The following PRKN variants were observed in gnomAD, a reference collection of about 807,000 sequenced individuals.
The protein encoded by PRKN is parkin RBR E3 ubiquitin protein ligase.
Under a neutral mutation model 59.5 loss-of-function variants are expected in PRKN, and 56 were observed. The observed-to-expected ratio is 0.94, with a 90% CI of 0.76 to 1.18. The LOEUF is 1.18. Among genes scored for constraint, PRKN ranks in the 50% most tolerant of loss-of-function variants. The pLI is 0.00. For synonymous variants in PRKN, 250 were observed against 222.1 expected (o/e 1.13, Z -1.12); for missense variants, 657 against 596.4 (o/e 1.10, Z -1.06).
At chr6:162,079,152 C>G (rs1893552) in intron 4 of PRKN, among the ~76,000 whole-genome samples, 7 of 151,938 alleles carry the variant, frequency 4.6e-5, no homozygotes, top group Non-Finnish European at 2.9e-5. Context: ...GCTCCACAGC[C>G]CCTGACAGCA....
At chr6:162,709,657 G>A (rs766463635) in intron 1 of PRKN, among the ~76,000 whole-genome samples, 3 of 152,044 alleles carry the variant, frequency 2.0e-5, no homozygotes, top group Non-Finnish European at 4.4e-5. Flanking sequence ...TTTCTGACCC[G>A]GAAGTCTCAT....
At chr6:161,762,023 C>T (rs1464623784) in intron 7 of PRKN, among the ~76,000 whole-genome samples, 3 of 152,134 alleles carry the variant, frequency 2.0e-5, no homozygotes, top group Non-Finnish European at 4.4e-5. Context: ...GCAGGCAGTT[C>T]AGGCATTCTC....
chr6:161,874,648 T>C (rs1794593857), intron 6 of PRKN, among the ~76,000 whole-genome samples: 1 of 8,036 alleles, frequency 1.2e-4, no homozygotes, highest in South Asian at 3.8e-3. Context: ...ATATTACATA[T>C]AAAATGTATA....
chr6:161,741,634 C>G (rs1178050332), intron 7 of PRKN, among the ~76,000 whole-genome samples: 2 of 152,082 alleles, frequency 1.3e-5, no homozygotes, highest in Admixed American at 6.5e-5. Flanking sequence ...GAGGCCTGGG[C>G]AGTAAACACA....
chr6:161,706,463 T>C (rs1786499672), intron 7 of PRKN, among the ~76,000 whole-genome samples: 1 of 152,246 alleles, frequency 6.6e-6, no homozygotes, highest in South Asian at 2.1e-4. Context: ...CACTGTCATT[T>C]GCTTCTTGAC....
At chr6:161,846,551 G>C (rs1240046280) in intron 6 of PRKN, among the ~76,000 whole-genome samples, 1 of 152,078 alleles carries the variant, frequency 6.6e-6, no homozygotes, top group African/African-American at 2.4e-5. Flanking sequence ...TCCCCAGTGA[G>C]GAAAATACAG....
At chr6:162,178,652 G>A (rs1013650424) in intron 4 of PRKN, among the ~76,000 whole-genome samples, 1 of 152,194 alleles carries the variant, frequency 6.6e-6, no homozygotes, top group Non-Finnish European at 1.5e-5. Context: ...ACATGTTTGT[G>A]TGTTCTGAAG....
intron 8 of PRKN, among the ~76,000 whole-genome samples, chr6:161,568,782 T>C (rs888162948): frequency 1.3e-5 from 2 of 152,126 alleles, no homozygotes; most frequent in Non-Finnish European, 2.9e-5. Flanking sequence ...TACATATATA[T>C]AATATTTAGC....
intron 6 of PRKN, among the ~76,000 whole-genome samples, chr6:161,854,112 A>G (rs951492728): frequency 6.8e-6 from 1 of 147,878 alleles, no homozygotes; most frequent in African/African-American, 2.5e-5. Flanking sequence ...AAAATTAGCC[A>G]GGCATAGTGG....
At chr6:162,224,827 A>G (rs990285982) in intron 3 of PRKN, among the ~76,000 whole-genome samples, 1 of 152,144 alleles carries the variant, frequency 6.6e-6, no homozygotes, top group African/African-American at 2.4e-5. Context: ...GGCCCAAGCC[A>G]TCTTGCTCTG....
chr6:162,019,997 C>T (rs1334825681), intron 5 of PRKN, among the ~76,000 whole-genome samples: 1 of 150,438 alleles, frequency 6.6e-6, no homozygotes, highest in Non-Finnish European at 1.5e-5. Context: ...CCAGCCTGGG[C>T]GACAAGAGCA....
intron 2 of PRKN, among the ~76,000 whole-genome samples, chr6:162,409,205 C>T (rs1362419290): frequency 6.6e-6 from 1 of 151,902 alleles, no homozygotes; most frequent in South Asian, 2.1e-4. Context: ...CACTCTATTG[C>T]CCAGGCTGGA....
At chr6:161,952,342 G>A (rs1246762246) in intron 6 of PRKN, among the ~76,000 whole-genome samples, 2 of 152,164 alleles carry the variant, frequency 1.3e-5, no homozygotes, top group Admixed American at 6.5e-5. Flanking sequence ...AGTCGGCCAG[G>A]CGCCGTGGCT....
intron 5 of PRKN, among the ~76,000 whole-genome samples, chr6:162,009,651 C>T (rs73606878): frequency 4.0e-5 from 6 of 151,594 alleles, no homozygotes; most frequent in Non-Finnish European, 7.4e-5. Flanking sequence ...AAAGTCCTCT[C>T]GCGGCTGGGC....
In PRKN at chr6:161,897,708, G is replaced by A. The variant is rs575367667; in HGVS notation, c.734+75594C>T. 3.5e-4 allele frequency among the ~76,000 whole-genome samples: 53 copies of A among 152,162 alleles called. 2 individuals carry two copies. In the South Asian group the frequency reaches 9.1e-3, roughly 26 times the overall value. On this transcript the variant is annotated intron_variant, in intron 6 of 11. Transcript: ENST00000366898. ...AAATGTCTCCCAGTTGCGGCCGGGC[G>A]CGGTGGCTCACGCCTGTAATCCCAG...
At chr6:161,746,748 C>CAGGTGTAGATATAG (rs1788442193) in intron 7 of PRKN, among the ~76,000 whole-genome samples, 5 of 144,572 alleles carry the variant, frequency 3.5e-5, no homozygotes, top group African/African-American at 5.1e-5. Flanking sequence ...TCTAGATATG[C>CAGGTGTAGATATAG]ACATATATAT....
intron 6 of PRKN, among the ~76,000 whole-genome samples, chr6:161,914,486 A>G (rs1201507490): frequency 6.6e-6 from 1 of 152,140 alleles, no homozygotes; most frequent in Non-Finnish European, 1.5e-5. Context: ...GGGAATAAAG[A>G]AGACTTACTT....
intron 9 of PRKN, among the ~76,000 whole-genome samples, chr6:161,513,827 C>T (rs1437447270): frequency 6.6e-6 from 1 of 152,120 alleles, no homozygotes; most frequent in Non-Finnish European, 1.5e-5. Flanking sequence ...TCACTGAAAG[C>T]TGGGCTATCT....
At chr6:161,933,915 G>C (rs533553554) in intron 6 of PRKN, among the ~76,000 whole-genome samples, 1 of 152,210 alleles carries the variant, frequency 6.6e-6, no homozygotes, top group African/African-American at 2.4e-5. Flanking sequence ...GTCCTAAAGC[G>C]TCTGTCTGTC....
Sources: allele counts gnomAD v4.1 joint callset (sites outside exome capture counted in the v4.1 genomes callset), GRCh38; gene constraint gnomAD v4.1.1; transcripts MANE v1.5; gene names NCBI Gene and HGNC (gene_info 2026-07-23, HGNC 2026-07-21).